The following KAZN variants were observed in gnomAD, a reference collection of about 807,000 sequenced individuals.
KAZN encodes kazrin, periplakin interacting protein, also known as kazrin.
A neutral mutation model predicts 87.4 loss-of-function variants in KAZN; 40 were observed. The observed-to-expected ratio is 0.46, with a 90% CI of 0.36 to 0.60. The LOEUF is 0.60. Ranked by LOEUF, KAZN falls within the 20% of genes least tolerant of loss-of-function variation. The pLI, the probability that KAZN is intolerant of heterozygous loss-of-function variation, is 0.00. For missense variants in KAZN, 898 were observed against 1,073.9 expected (o/e 0.84, Z 2.29); for synonymous variants, 466 against 458.3 (o/e 1.02, Z -0.22).
At chr1:14,080,848 C>T (rs923429935) in intron 1 of KAZN, among the ~76,000 whole-genome samples, 18 of 152,176 alleles carry the variant, frequency 1.2e-4, no homozygotes, top group Non-Finnish European at 5.9e-5. Flanking sequence ...TTGACCCCCC[C>T]AGGGAAGTTT....
chr1:14,594,119 T>C (rs1377842575), upstream of KAZN, among the ~76,000 whole-genome samples: 1 of 152,186 alleles, frequency 6.6e-6, no homozygotes. Flanking sequence ...CAACCATATA[T>C]ACTGGGTTTC....
rs946642504 is a variant in KAZN, at chr1:14,151,321, T to A, written c.92-29114T>A. Among the ~76,000 whole-genome samples, 4 of 152,082 alleles carry A rather than the reference T, an allele frequency of 2.6e-5. No homozygotes were observed. The South Asian group carries it at 8.3e-4, about 32-fold the overall frequency. On this transcript the variant is annotated intron_variant, in intron 1 of 16. Transcript: ENST00000636203. ...AACCATGCATTTTTTTTTCAGGACATAATCTATAAAATTTAGTGCCCCAGA... is the reference window on the plus strand; with the variant it reads ...AACCATGCATTTTTTTTTCAGGACAAAATCTATAAAATTTAGTGCCCCAGA...
chr1:14,421,002 C>T (rs1367581623), intron 2 of KAZN, among the ~76,000 whole-genome samples: 2 of 152,062 alleles, frequency 1.3e-5, no homozygotes, highest in Non-Finnish European at 2.9e-5. Flanking sequence ...GGCTGAAGGG[C>T]TCCTCAAGCG....
chr1:14,954,094 G>A lies in KAZN; in HGVS notation c.227-6590G>A, dbSNP rs549526969. Among the ~76,000 whole-genome samples, 9 of 152,300 alleles carry A rather than the reference G, an allele frequency of 5.9e-5. No homozygotes were observed. The East Asian group carries it at 1.7e-3, about 29-fold the overall frequency. ...ACCACACCCCCTTTCCCTTGGGGAGGAGGCCCCTGGGGACCTGCTGCATGG... is the reference window on the plus strand; with the variant it reads ...ACCACACCCCCTTTCCCTTGGGGAGAAGGCCCCTGGGGACCTGCTGCATGG... On this transcript the variant is annotated intron_variant, in intron 1 of 14. Transcript: ENST00000376030.
At chr1:14,042,323 AG>A (rs1403340552) in intron 1 of KAZN, among the ~76,000 whole-genome samples, 2 of 152,092 alleles carry the variant, frequency 1.3e-5, no homozygotes, top group Non-Finnish European at 1.5e-5. Context: ...AGGAGAGGGA[AG>A]TCACTTCCTA....
At chr1:14,704,662 T>A (rs555871564) in intron 1 of KAZN, among the ~76,000 whole-genome samples, 45 of 152,308 alleles carry the variant, frequency 3.0e-4, no homozygotes, top group African/African-American at 1.0e-3. Flanking sequence ...ACGTCCTGCA[T>A]CTGGACGTCT....
intron 1 of KAZN, among the ~76,000 whole-genome samples, chr1:14,746,466 G>A (rs956420455): frequency 1.3e-5 from 2 of 152,106 alleles, no homozygotes; most frequent in African/African-American, 4.8e-5. Flanking sequence ...TTCAAACACC[G>A]AGAAACAGAC....
intron 1 of KAZN, among the ~76,000 whole-genome samples, chr1:14,691,928 CTTT>C (rs34159268): frequency 1.9e-4 from 28 of 144,452 alleles, no homozygotes; most frequent in East Asian, 4.0e-4. Flanking sequence ...CAATTTCTTC[CTTT>C]TTTTTTTTTT....
Position 14,735,013 on chromosome 1 carries a change from G to A in KAZN, c.226+135790G>A, listed in dbSNP as rs551679472. On this transcript the variant is annotated intron_variant, in intron 1 of 14. Transcript: ENST00000376030. The surrounding 1 kb of genome is among the most constrained non-coding windows in gnomAD (Gnocchi z 4.3). ...CAGTAGGTGTGCCTTGTACGAGGAT[G>A]TGCGTCTTGGTTTTGGGGAGCACAG... Among the ~76,000 whole-genome samples the A allele has an allele frequency of 3.8e-4, 58 of 152,346 alleles. No homozygotes were observed. Among genetic ancestry groups the A allele is most frequent in the African/African-American group, 1.2e-3 (50 of 41,584 alleles).
chr1:14,186,039 G>A (rs1646298276), intron 2 of KAZN, among the ~76,000 whole-genome samples: 1 of 152,130 alleles, frequency 6.6e-6, no homozygotes, highest in Admixed American at 6.5e-5. Context: ...AGTGATGCTT[G>A]AATAGAATAG....
chr1:14,311,403 G>T (rs1655284980), intron 2 of KAZN, among the ~76,000 whole-genome samples: 1 of 152,186 alleles, frequency 6.6e-6, no homozygotes, highest in South Asian at 2.1e-4. Flanking sequence ...TTCCCAATAA[G>T]ATGCTTAGAA....
intron 2 of KAZN, among the ~76,000 whole-genome samples, chr1:14,492,837 C>G (rs1000953842): frequency 6.6e-6 from 1 of 150,566 alleles, no homozygotes; most frequent in East Asian, 2.0e-4. Context: ...ATATCACACA[C>G]GTACACACAC....
intron 1 of KAZN, among the ~76,000 whole-genome samples, chr1:13,910,056 C>T (rs1361234147): frequency 6.6e-6 from 1 of 152,166 alleles, no homozygotes; most frequent in Admixed American, 6.5e-5. Context: ...AGATCTGTGT[C>T]CCCATCCAAA....
rs1000376417 is a variant in KAZN, at chr1:14,548,552, A to G, written c.250-50431A>G. On this transcript the variant is annotated intron_variant, in intron 2 of 16. Coordinates refer to the KAZN transcript ENST00000636203. ...ATATGTTTACTTCTCTAAACAATAT[A>G]TAATTCTATTTTACATATCTTGAAT... Among the ~76,000 whole-genome samples the G allele has an allele frequency of 2.0e-5, 3 of 152,194 alleles. No homozygotes were observed. In the East Asian group the frequency reaches 5.8e-4, roughly 29 times the overall value.
chr1:14,965,700 C>T (rs1664384602), intron 2 of KAZN, among the ~76,000 whole-genome samples: 1 of 151,980 alleles, frequency 6.6e-6, no homozygotes, highest in East Asian at 1.9e-4. Flanking sequence ...TGTTTGTTTG[C>T]CATTATATAA....
chr1:14,466,887 T>A lies in KAZN; in HGVS notation c.250-132096T>A, dbSNP rs190447637. On this transcript the variant is annotated intron_variant, in intron 2 of 16. Coordinates refer to the KAZN transcript ENST00000636203. ...GGGAGGCTGAGGCAGGAGAATGGCG[T>A]GAACCCAGGAGGTGGAGGTTGCAGT... 3.6e-4 allele frequency among the ~76,000 whole-genome samples: 54 copies of A among 152,104 alleles called. No individual in the cohort carries two copies. In the Middle Eastern group the frequency reaches 0.01, roughly 29 times the overall value.
At chr1:14,067,128 T>G (rs1052034472) in intron 1 of KAZN, among the ~76,000 whole-genome samples, 1 of 152,008 alleles carries the variant, frequency 6.6e-6, no homozygotes, top group African/African-American at 2.4e-5. Context: ...GACTCCTCTC[T>G]CCTCCTCCCC....
intron 1 of KAZN, among the ~76,000 whole-genome samples, chr1:14,141,537 C>T (rs997720835): frequency 3.3e-5 from 5 of 151,834 alleles, no homozygotes; most frequent in South Asian, 2.1e-4. Context: ...GCCAGGACTC[C>T]AAGGAGAAAT....
chr1:14,958,131 G>A (rs1663375393), intron 1 of KAZN, among the ~76,000 whole-genome samples: 1 of 152,166 alleles, frequency 6.6e-6, no homozygotes, highest in Non-Finnish European at 1.5e-5. Flanking sequence ...ACCTGGCTCT[G>A]CCCGCTCAGC....
Sources: allele counts gnomAD v4.1 joint callset (sites outside exome capture counted in the v4.1 genomes callset), GRCh38; gene constraint gnomAD v4.1.1; non-coding constraint Gnocchi (gnomAD v3.1); transcripts MANE v1.5; gene names NCBI Gene and HGNC (gene_info 2026-07-23, HGNC 2026-07-21).